AGK: variants seen among roughly 807,000 people sequenced by gnomAD.
AGK encodes acylglycerol kinase, also known as acylglycerol kinase, mitochondrial.
AGK carries 52 observed loss-of-function variants against 66.4 expected under a neutral mutation model. The observed-to-expected ratio is 0.78, with a 90% CI of 0.63 to 0.99. The LOEUF is 0.99. AGK is among the 50% of genes least tolerant of loss of function. The pLI, the probability that AGK is intolerant of heterozygous loss-of-function variation, is 0.00. For synonymous variants in AGK, 182 were observed against 181.1 expected (o/e 1.00, Z -0.04); for missense variants, 451 against 506.6 (o/e 0.89, Z 1.05).
chr7:141,637,108 T>C (rs1797192302), intron 11 of AGK, 91 bp downstream of exon 11: 20 of 1,001,174 alleles, frequency 2.0e-5, no homozygotes, highest in Non-Finnish European at 2.4e-5. Flanking sequence ...AATTCCTTGC[T>C]ACAGATGAAT....
At chr7:141,614,343 G>A (rs538382351) in intron 7 of AGK, among the ~76,000 whole-genome samples, 165 bp downstream of exon 7, 11 of 151,758 alleles carry the variant, frequency 7.2e-5, no homozygotes, top group Non-Finnish European at 1.2e-4. Context: ...CATAGAACAC[G>A]TATATTAACA....
chr7:141,614,282 T>A, intron 7 of AGK, 104 bp downstream of exon 7: 1 of 816,162 alleles, frequency 1.2e-6, no homozygotes, highest in Non-Finnish European at 1.9e-6. Flanking sequence ...TTAAAACGGG[T>A]ACAAATTGTG....
chr7:141,581,087 C>T (rs566161534), intron 2 of AGK, among the ~76,000 whole-genome samples: 3 of 152,026 alleles, frequency 2.0e-5, no homozygotes, highest in East Asian at 1.9e-4. Flanking sequence ...CAGTCGGACA[C>T]GATCGGCAGG....
intron 2 of AGK, among the ~76,000 whole-genome samples, chr7:141,591,086 T>G (rs112904001): frequency 0.013 from 1,622 of 124,468 alleles, 39 homozygotes; most frequent in African/African-American, 0.054. Context: ...TAAGTTGTTT[T>G]TTTTTTTTTT....
At chr7:141,626,554 C>T (rs1796941996) in intron 9 of AGK, among the ~76,000 whole-genome samples, 1 of 152,198 alleles carries the variant, frequency 6.6e-6, no homozygotes, top group Non-Finnish European at 1.5e-5. Flanking sequence ...CTGACATTGT[C>T]TGCCTCCCGA....
intron 2 of AGK, among the ~76,000 whole-genome samples, chr7:141,584,988 G>A (rs968502734): frequency 6.6e-6 from 1 of 152,190 alleles, no homozygotes; most frequent in African/African-American, 2.4e-5. Context: ...AATTTCTTTG[G>A]TAGCAGGTAG....
At chr7:141,554,078 G>A (rs764105836) in intron 1 of AGK, among the ~76,000 whole-genome samples, 15 of 152,060 alleles carry the variant, frequency 9.9e-5, no homozygotes, top group Non-Finnish European at 2.1e-4. Flanking sequence ...AGTGGCTCAC[G>A]TCTGTAATCC....
intron 9 of AGK, among the ~76,000 whole-genome samples, chr7:141,629,103 A>G (rs1185172182): frequency 1.3e-5 from 2 of 152,076 alleles, no homozygotes; most frequent in East Asian, 3.9e-4. Context: ...TTCTCTTAAG[A>G]TGATGCTTGA....
chr7:141,574,637 A>C (rs150013311), intron 2 of AGK, among the ~76,000 whole-genome samples: 1 of 152,218 alleles, frequency 6.6e-6, no homozygotes. Context: ...TAGCTTAGTT[A>C]TGTGAGAGAA....
intron 2 of AGK, among the ~76,000 whole-genome samples, chr7:141,570,251 G>C (rs969807613): frequency 2.6e-5 from 4 of 152,054 alleles, no homozygotes; most frequent in Non-Finnish European, 5.9e-5. Context: ...GCTGGGCATG[G>C]TGGTGGGCAC....
chr7:141,579,435 T>C (rs949816941), intron 2 of AGK, among the ~76,000 whole-genome samples: 6 of 146,428 alleles, frequency 4.1e-5, no homozygotes, highest in African/African-American at 1.5e-4. Context: ...AATTAAGTCT[T>C]ACAGAAGGGA....
At chr7:141,566,240 A>T (rs1416507477) in intron 2 of AGK, among the ~76,000 whole-genome samples, 2 of 152,178 alleles carry the variant, frequency 1.3e-5, no homozygotes, top group African/African-American at 4.8e-5. Flanking sequence ...CCATAGTACT[A>T]TGAACTCCTC....
chr7:141,562,426 A>G (rs1303787366), intron 2 of AGK, among the ~76,000 whole-genome samples: 2 of 152,066 alleles, frequency 1.3e-5, no homozygotes, highest in African/African-American at 2.4e-5. Flanking sequence ...AAGAGTTTCT[A>G]TATTTTGTGT....
At chr7:141,578,227 T>C (rs949419722) in intron 2 of AGK, among the ~76,000 whole-genome samples, 2 of 148,776 alleles carry the variant, frequency 1.3e-5, no homozygotes, top group African/African-American at 5.0e-5. Context: ...GGGTGGATAG[T>C]GGAAAATTAC....
At chr7:141,649,177 CTA>C in intron 13 of AGK, 84 bp from the exon 14 acceptor site, 2 of 763,068 alleles carry the variant, frequency 2.6e-6, no homozygotes, top group Non-Finnish European at 4.6e-6. Context: ...TAGCTTCAAA[CTA>C]TGAACCATCA....
intron 2 of AGK, chr7:141,562,096 C>G: frequency 4.4e-6 from 2 of 456,064 alleles, no homozygotes; most frequent in South Asian, 3.1e-5. Context: ...TGTGAGGATC[C>G]TTGGCTATAG....
At chr7:141,590,271 T>C (rs12703393) in intron 2 of AGK, among the ~76,000 whole-genome samples, 14,277 of 152,174 alleles carry the variant, frequency 0.094, 1,484 homozygotes, top group African/African-American at 0.26. Context: ...TGTTGCCTTT[T>C]GGAGACCTGT....
intron 11 of AGK, among the ~76,000 whole-genome samples, chr7:141,637,461 G>C (rs1054077002): frequency 3.9e-5 from 6 of 152,114 alleles, no homozygotes; most frequent in Admixed American, 2.6e-4. Flanking sequence ...AATATGGGCG[G>C]TGGTTACTGT....
At chr7:141,587,794 G>A (rs541795449) in intron 2 of AGK, among the ~76,000 whole-genome samples, 16 of 152,122 alleles carry the variant, frequency 1.1e-4, no homozygotes, top group Non-Finnish European at 2.9e-5. Context: ...AATTGTCATC[G>A]TTCCCTACTA....
Sources: gnomAD v4.1 joint callset for allele counts (sites outside exome capture counted in the v4.1 genomes callset) on GRCh38, gnomAD v4.1.1 for gene constraint, MANE v1.5 for transcripts, NCBI Gene and HGNC (gene_info 2026-07-23, HGNC 2026-07-21) for gene names.